PLEKHG1: variants seen among roughly 807,000 people sequenced by gnomAD.
The protein encoded by PLEKHG1 is pleckstrin homology domain-containing family G member 1.
Under a neutral mutation model 100.8 loss-of-function variants are expected in PLEKHG1, and 44 were observed. That is an observed-to-expected ratio of 0.44 (90% confidence interval 0.34 to 0.56). The LOEUF is 0.56. Ranked by LOEUF, PLEKHG1 falls within the 20% of genes least tolerant of loss-of-function variation. The pLI is 0.01. For synonymous variants in PLEKHG1, 640 were observed against 662.5 expected (o/e 0.97, Z 0.52); for missense variants, 1,545 against 1,720.9 (o/e 0.90, Z 1.81).
At chr6:150,794,950 A>C (rs1292280562) in intron 4 of PLEKHG1, among the ~76,000 whole-genome samples, 1 of 152,220 alleles carries the variant, frequency 6.6e-6, no homozygotes, top group Non-Finnish European at 1.5e-5. Flanking sequence ...GAATTTAAAA[A>C]AATTAAAGCT....
chr6:150,830,029 A>G (rs1002273287), intron 14 of PLEKHG1, among the ~76,000 whole-genome samples: 1 of 152,126 alleles, frequency 6.6e-6, no homozygotes, highest in Non-Finnish European at 1.5e-5. Flanking sequence ...TGTACACCAG[A>G]CTTACTTGAA....
chr6:150,746,702 C>T (rs1783182910), intron 2 of PLEKHG1, among the ~76,000 whole-genome samples: 2 of 152,212 alleles, frequency 1.3e-5, no homozygotes, highest in African/African-American at 4.8e-5. Flanking sequence ...ATAGCATTTG[C>T]TATGAATGTG....
intron 1 of PLEKHG1, among the ~76,000 whole-genome samples, chr6:150,624,289 CCCTG>C (rs1219912876): frequency 2.0e-5 from 3 of 152,156 alleles, no homozygotes; most frequent in Admixed American, 6.5e-5. Context: ...GGCCCTCACA[CCCTG>C]CCTATCTCTG....
chr6:150,630,742 T>C (rs1398392007), intron 1 of PLEKHG1, among the ~76,000 whole-genome samples: 1 of 151,996 alleles, frequency 6.6e-6, no homozygotes, highest in East Asian at 1.9e-4. Context: ...ATCAATGATA[T>C]TTACAATCAC....
At chr6:150,749,840 A>G (rs1783390899) in intron 2 of PLEKHG1, among the ~76,000 whole-genome samples, 1 of 152,240 alleles carries the variant, frequency 6.6e-6, no homozygotes, top group African/African-American at 2.4e-5. Flanking sequence ...TTGGGAGGCC[A>G]GGGTGGGTGG....
At chr6:150,739,240 G>T (rs1017091987) in intron 2 of PLEKHG1, among the ~76,000 whole-genome samples, 1 of 152,090 alleles carries the variant, frequency 6.6e-6, no homozygotes, top group Non-Finnish European at 1.5e-5. Flanking sequence ...CATATTTGGT[G>T]ATATTGAGGA....
At chr6:150,806,423 G>GCCTGTAAT (rs1787106367) in intron 7 of PLEKHG1, among the ~76,000 whole-genome samples, 1 of 152,000 alleles carries the variant, frequency 6.6e-6, no homozygotes, top group African/African-American at 2.4e-5. Flanking sequence ...GATGGTTCAT[G>GCCTGTAAT]CCTGTAATCC....
intron 2 of PLEKHG1, among the ~76,000 whole-genome samples, chr6:150,748,615 C>CTT (rs746682669): frequency 0.044 from 5,253 of 118,126 alleles, 192 homozygotes; most frequent in Middle Eastern, 0.087. Flanking sequence ...TACCTTTGAC[C>CTT]TTTTTTTTTT....
chr6:150,637,674 TGTGA>T (rs1405569628), intron 1 of PLEKHG1, among the ~76,000 whole-genome samples: 3 of 152,222 alleles, frequency 2.0e-5, no homozygotes, highest in Non-Finnish European at 4.4e-5. Flanking sequence ...TGATTGTGTG[TGTGA>T]GTGTGTGTGT....
chr6:150,647,423 A>G (rs1488324781), intron 2 of PLEKHG1, among the ~76,000 whole-genome samples: 1 of 152,240 alleles, frequency 6.6e-6, no homozygotes, highest in East Asian at 1.9e-4. Context: ...TTAAAAGGAC[A>G]TGGTGATAGG....
At chr6:150,746,383 G>A (rs1783165191) in intron 2 of PLEKHG1, among the ~76,000 whole-genome samples, 1 of 152,110 alleles carries the variant, frequency 6.6e-6, no homozygotes, top group African/African-American at 2.4e-5. Flanking sequence ...TTACAAATAG[G>A]TTTCACCGCT....
At chr6:150,663,555 CTT>C (rs751233206) in intron 3 of PLEKHG1, 28 of 138,270 alleles carry the variant, frequency 2.0e-4, no homozygotes, top group Admixed American at 2.9e-4. Context: ...CTCTCTCTCT[CTT>C]TTTTTTTTTT....
chr6:150,747,343 A>G (rs1181818030), intron 2 of PLEKHG1, among the ~76,000 whole-genome samples: 1 of 152,226 alleles, frequency 6.6e-6, no homozygotes, highest in Non-Finnish European at 1.5e-5. Flanking sequence ...TGATAAGCCG[A>G]GAGTTAGTGT....
chr6:150,809,891 CAAA>C (rs201618525), intron 10 of PLEKHG1, among the ~76,000 whole-genome samples, 157 bp downstream of exon 11: 2 of 135,770 alleles, frequency 1.5e-5, no homozygotes, highest in African/African-American at 2.7e-5. Context: ...GAGACTGGGT[CAAA>C]AAAAAAAAAA....
At chr6:150,779,344 G>GTTTGTTTTTTTTT (rs1257363893) in intron 3 of PLEKHG1, among the ~76,000 whole-genome samples, 6,887 of 102,876 alleles carry the variant, frequency 0.067, 768 homozygotes, top group African/African-American at 0.13. Context: ...TTGTCAAGAA[G>GTTTGTTTTTTTTT]TTTTTTTTTT....
chr6:150,612,320 G>A (rs953837601), intron 1 of PLEKHG1, among the ~76,000 whole-genome samples: 2 of 151,652 alleles, frequency 1.3e-5, no homozygotes, highest in African/African-American at 4.9e-5. Flanking sequence ...TTTTTGTGGG[G>A]TTTTGTTTGT....
chr6:150,617,096 T>G (rs1777105312), intron 1 of PLEKHG1, among the ~76,000 whole-genome samples: 1 of 152,226 alleles, frequency 6.6e-6, no homozygotes, highest in Non-Finnish European at 1.5e-5. Context: ...TGAATTTTCT[T>G]GCATTGCATA....
intron 1 of PLEKHG1, among the ~76,000 whole-genome samples, chr6:150,611,934 TG>T (rs1409943619): frequency 6.6e-6 from 1 of 151,892 alleles, no homozygotes; most frequent in Non-Finnish European, 1.5e-5. Flanking sequence ...AACTCTGAAA[TG>T]GGGTTGGGGA....
intron 3 of PLEKHG1, among the ~76,000 whole-genome samples, chr6:150,779,613 T>C (rs1465693441): frequency 6.6e-6 from 1 of 151,222 alleles, no homozygotes; most frequent in Non-Finnish European, 1.5e-5. Context: ...CCTAAAGTGC[T>C]AAGATTACAG....
Sources: gnomAD v4.1 joint callset for allele counts (sites outside exome capture counted in the v4.1 genomes callset) on GRCh38, gnomAD v4.1.1 for gene constraint, MANE v1.5 for transcripts, NCBI Gene and HGNC (gene_info 2026-07-23, HGNC 2026-07-21) for gene names.